EWSR1: variants seen among roughly 807,000 people sequenced by gnomAD.
The protein encoded by EWSR1 is EWS RNA binding protein 1.
A neutral mutation model predicts 92.1 loss-of-function variants in EWSR1; 14 were observed. The ratio of observed to expected loss-of-function variants is 0.15; its 90% CI spans 0.10 to 0.24. EWSR1 has a LOEUF of 0.24. Among genes scored for constraint, EWSR1 ranks in the 10% least tolerant of loss-of-function variants. EWSR1 has a pLI of 1.00. For missense variants in EWSR1, 637 were observed against 870.9 expected, an observed-to-expected ratio of 0.73 and a Z score of 3.38; for synonymous variants, 303 against 292.9, an observed-to-expected ratio of 1.03 and a Z score of -0.35.
chr22:29,287,547 T>C (rs1255289895), intron 7 of EWSR1, among the ~76,000 whole-genome samples: 4 of 152,144 alleles, frequency 2.6e-5, no homozygotes, highest in African/African-American at 9.7e-5. Flanking sequence ...CTCTTTGCCA[T>C]TGTTTGCTTT....
chr22:29,277,015 G>A (rs1041190641), intron 4 of EWSR1: 3 of 230,732 alleles, frequency 1.3e-5, no homozygotes, highest in Non-Finnish European at 2.6e-5. Flanking sequence ...CTACAGGAAA[G>A]GTACTCTAGT....
chr22:29,277,836 C>A (rs2059239804), intron 4 of EWSR1, 194 bp from the exon 5 acceptor site: 1 of 555,158 alleles, frequency 1.8e-6, no homozygotes, highest in South Asian at 2.5e-5. Context: ...GTTACTTTAC[C>A]AAAAACTAGG....
chr22:29,284,973 C>G lies in EWSR1; in HGVS notation c.582-1950C>G, dbSNP rs2059909562. Among the ~76,000 whole-genome samples the G allele has an allele frequency of 1.3e-5, 2 of 151,170 alleles. 1 individual carries two copies. The highest frequency in any genetic ancestry group is 4.9e-5 in the African/African-American group (2 of 40,462). On this transcript the variant is annotated intron_variant, in intron 6 of 16. Transcript: ENST00000397938. ...TAGCTGGCATTATAGGCATGTGCCA[C>G]CACACACAGCTAATTTTGTATTTTT...
chr22:29,298,096 GGAATAAAAGGAAGAGAAGAA>G, intron 13 of EWSR1, 147 bp downstream of exon 13: 1 of 983,652 alleles, frequency 1.0e-6, no homozygotes, highest in Admixed American at 2.9e-5. Context: ...ATGTTTGTTG[GGAATAAAAGGAAGAGAAGAA>G]CATGGGAGGC....
intron 6 of EWSR1, among the ~76,000 whole-genome samples, chr22:29,282,774 T>TC (rs2059708227): frequency 6.6e-6 from 1 of 151,278 alleles, no homozygotes; most frequent in Admixed American, 6.6e-5. Context: ...TTTTTTTTTT[T>TC]TCCCCCGAGA....
intron 1 of EWSR1, chr22:29,269,361 C>T (rs1602142554): frequency 1.3e-5 from 2 of 152,170 alleles, no homozygotes; most frequent in East Asian, 3.8e-4. Context: ...GCAAGCAAGC[C>T]CCGGTTGGGA....
At chr22:29,280,325 C>G (rs1000110207) in intron 5 of EWSR1, among the ~76,000 whole-genome samples, 18 of 152,174 alleles carry the variant, frequency 1.2e-4, no homozygotes, top group Non-Finnish European at 2.1e-4. Context: ...GCCTTGGCCT[C>G]CCAAAGTGCT....
rs554606547 is a variant in EWSR1 at position 29,276,177 on chromosome 22, C to T, written c.227-1853C>T. 1.3e-4 allele frequency: 29 copies of T among 230,686 alleles called. No individual in the cohort carries two copies. In the South Asian group the frequency reaches 5.1e-3, roughly 41 times the overall value. The allele number at this position is 230,686 out of a possible 1,614,324, so 14.3% of individuals were successfully genotyped here. A position where few individuals can be genotyped will look rare whatever the true frequency, so the allele number is the denominator to read the frequency against. ...CTCCTTGTAAATCTTATAGACGTGT[C>T]ATGTAGTGGGGTGTAATCGGTATAT... On this transcript the variant is annotated intron_variant, in intron 4 of 16. Transcript: ENST00000397938.
At chr22:29,288,876 A>T in intron 8 of EWSR1, 90 bp downstream of exon 8, 1 of 1,238,232 alleles carries the variant, frequency 8.1e-7, no homozygotes, top group South Asian at 1.7e-5. Context: ...ATAAGAAATT[A>T]ATTTCTGCAT....
chr22:29,298,842 C>T lies in EWSR1; in HGVS notation c.1527C>T (p.Pro509=), dbSNP rs1416690248. ...GACCCCGGGGTTCCCGAGGGAACCC[C>T]TCTGGAGGAGGAAACGTCCAGCACC... is the stretch of plus-strand genomic sequence containing the variant. ...PRGPRGSRGN[P]SGGGNVQHRA... Residue 509 remains proline (P), a synonymous_variant, in exon 14 of 17, where the codon CCC becomes CCT. Coordinates refer to ENST00000397938, the MANE Select transcript of EWSR1 (RefSeq NM_005243.4). 2 of 1,586,708 alleles carry T rather than the reference C, an allele frequency of 1.3e-6. No individual in the cohort carries two copies. Among genetic ancestry groups the T allele is most frequent in the Non-Finnish European group, 8.5e-7 (1 of 1,171,870 alleles).
chr22:29,279,069 C>T, intron 5 of EWSR1, among the ~76,000 whole-genome samples: 1 of 151,586 alleles, frequency 6.6e-6, no homozygotes, highest in Non-Finnish European at 1.5e-5. Flanking sequence ...TCTCTGGTTT[C>T]AGAATGACCT....
intron 1 of EWSR1, chr22:29,269,434 T>C (rs983879811): frequency 6.6e-5 from 10 of 152,182 alleles, no homozygotes. Flanking sequence ...CGCCTAGCCA[T>C]CACCTGCAGT....
chr22:29,285,383 A>C (rs1474920235), intron 6 of EWSR1, among the ~76,000 whole-genome samples: 1 of 151,172 alleles, frequency 6.6e-6, no homozygotes. Flanking sequence ...TGGCCTCCCA[A>C]AGTGCTGGGA....
rs904389366 is a variant in EWSR1, at chr22:29,300,428, G to A, written c.*267G>A. Reference sequence around the variant, plus strand: ...CCTTGTGAGCATGCTCAGTATCATTGTGGAGAACCAAGAGGGCCTCTTAAC... The same window carrying A: ...CCTTGTGAGCATGCTCAGTATCATTATGGAGAACCAAGAGGGCCTCTTAAC... On this transcript the variant is annotated 3_prime_UTR_variant, in exon 17 of 17. Transcript: ENST00000397938. 4 of 368,714 alleles carry A rather than the reference G, an allele frequency of 1.1e-5. No homozygotes were observed. Among genetic ancestry groups the A allele is most frequent in the Non-Finnish European group, 1.9e-5 (4 of 206,064 alleles). The allele number at this position is 368,714 out of a possible 1,614,324, so 22.8% of individuals were successfully genotyped here. A position where few individuals can be genotyped will look rare whatever the true frequency, so the allele number is the denominator to read the frequency against.
intron 4 of EWSR1, chr22:29,276,043 T>C: frequency 4.3e-6 from 1 of 231,612 alleles, no homozygotes; most frequent in Non-Finnish European, 8.5e-6. Context: ...ATTAACCCAG[T>C]GTCTATTGCT....
rs770806014 is a variant in EWSR1 at position 29,272,398 on chromosome 22, C to T, written c.69C>T (p.Ala23=). The T allele has an allele frequency of 1.9e-6, 3 of 1,613,238 alleles. No homozygotes were observed. Among genetic ancestry groups the T allele is most frequent in the Non-Finnish European group, 2.5e-6 (3 of 1,180,000 alleles). The part of the protein sequence containing the change: ...AAQQGYSAYT[A]QPTQGYAQTT... ...TTTGCAGCTACAGTGCTTACACCGC[C>T]CAGCCCACTCAAGGATATGCACAGA... is the stretch of plus-strand genomic sequence containing the variant. The change falls in exon 3 of 17, where the codon GCC becomes GCT. Residue 23 remains alanine (A), a synonymous_variant. Transcript: ENST00000397938.
At chr22:29,300,015 TTCCC>T in intron 16 of EWSR1, 103 bp from the exon 17 acceptor site, 3 of 596,068 alleles carry the variant, frequency 5.0e-6, no homozygotes, top group Non-Finnish European at 2.2e-6. Flanking sequence ...TCCTCACCCC[TTCCC>T]ATTCTAACCG....
chr22:29,272,329 G>A (rs2146771477), intron 2 of EWSR1, 51 bp from the exon 3 acceptor site: 3 of 1,609,064 alleles, frequency 1.9e-6, no homozygotes, highest in Non-Finnish European at 1.7e-6. Context: ...AATTGTAGAG[G>A]TGGTATTTGA....
intron 5 of EWSR1, among the ~76,000 whole-genome samples, chr22:29,280,294 G>A (rs532970301): frequency 2.0e-5 from 3 of 152,168 alleles, no homozygotes; most frequent in East Asian, 3.9e-4. Flanking sequence ...TCTCGAACTC[G>A]TGACCTCAAG....
Sources: allele counts gnomAD v4.1 joint callset (sites outside exome capture counted in the v4.1 genomes callset), GRCh38; gene constraint gnomAD v4.1.1; transcripts MANE v1.5; gene names NCBI Gene and HGNC (gene_info 2026-07-23, HGNC 2026-07-21).